The following NUP98 variants were observed in gnomAD, a reference collection of about 807,000 sequenced individuals.
The protein encoded by NUP98 is nucleoporin 98 and 96 precursor, also known as nuclear pore complex protein Nup98-Nup96.
NUP98 carries 26 observed loss-of-function variants against 191.9 expected under a neutral mutation model. The ratio of observed to expected loss-of-function variants is 0.14; its 90% CI spans 0.10 to 0.19. NUP98 has a LOEUF of 0.19. Ranked by LOEUF, NUP98 falls within the 10% of genes least tolerant of loss-of-function variation. The pLI is 1.00. For missense variants in NUP98, 1,941 were observed against 2,178.8 expected, an observed-to-expected ratio of 0.89 and a Z score of 2.17; for synonymous variants, 808 against 778.4, an observed-to-expected ratio of 1.04 and a Z score of -0.63.
intron 15 of NUP98, among the ~76,000 whole-genome samples, chr11:3,723,833 T>TTTTTTC (rs758131855): frequency 2.3e-5 from 3 of 130,598 alleles, no homozygotes; most frequent in Non-Finnish European, 4.7e-5. Flanking sequence ...GGGTTTCTTT[T>TTTTTTC]TTTTTTTTTC....
intron 11 of NUP98, among the ~76,000 whole-genome samples, chr11:3,752,452 G>T (rs2080797935): frequency 6.6e-6 from 1 of 151,950 alleles, no homozygotes; most frequent in Non-Finnish European, 1.5e-5. Context: ...GGGAGGCAGA[G>T]ATTGCAGTGA....
At chr11:3,713,350 C>G (rs573555884) in intron 19 of NUP98, among the ~76,000 whole-genome samples, 7 of 152,302 alleles carry the variant, frequency 4.6e-5, no homozygotes, top group South Asian at 2.1e-4. Context: ...CTCATTACTG[C>G]TGAATTTTAA....
At chr11:3,765,373 T>A (rs1269662676) in intron 8 of NUP98, among the ~76,000 whole-genome samples, 1 of 152,226 alleles carries the variant, frequency 6.6e-6, no homozygotes, top group Non-Finnish European at 1.5e-5. Context: ...GCTAAAAGGT[T>A]TTAATTTTGA....
chr11:3,771,985 AGGAG>A, intron 6 of NUP98, 57 bp from the exon 7 acceptor site: 4 of 1,460,672 alleles, frequency 2.7e-6, no homozygotes, highest in Non-Finnish European at 3.8e-6. Context: ...ATAATTATTT[AGGAG>A]GCTAAATACT....
intron 2 of NUP98, 84 bp downstream of exon 2, chr11:3,781,958 C>T (rs1564924985): frequency 5.2e-6 from 4 of 773,154 alleles, no homozygotes; most frequent in Non-Finnish European, 6.2e-6. Context: ...AAATAAAATT[C>T]CCACCTAAAG....
At chr11:3,736,655 A>G (rs1214879125) in intron 12 of NUP98, among the ~76,000 whole-genome samples, 1 of 152,252 alleles carries the variant, frequency 6.6e-6, no homozygotes, top group Non-Finnish European at 1.5e-5. Context: ...AGTTGTAAAC[A>G]TCATGACACA....
At chr11:3,774,668 G>C (rs2081649054) in intron 5 of NUP98, among the ~76,000 whole-genome samples, 1 of 151,690 alleles carries the variant, frequency 6.6e-6, no homozygotes, top group South Asian at 2.1e-4. Flanking sequence ...AGTGAGCCAA[G>C]ATTGCACCAC....
intron 4 of NUP98, 89 bp downstream of exon 4, chr11:3,778,784 A>T: frequency 7.5e-7 from 1 of 1,332,862 alleles, no homozygotes; most frequent in Non-Finnish European, 1.0e-6. Context: ...AAAAGAAGGT[A>T]GATGAACACA....
At chr11:3,749,116 G>C (rs1210390753) in intron 11 of NUP98, among the ~76,000 whole-genome samples, 1 of 149,712 alleles carries the variant, frequency 6.7e-6, no homozygotes, top group Non-Finnish European at 1.5e-5. Flanking sequence ...AGACCATCCT[G>C]GCTAACAAGG....
At chr11:3,766,272 G>T (rs1462888114) in intron 8 of NUP98, among the ~76,000 whole-genome samples, 4 of 152,068 alleles carry the variant, frequency 2.6e-5, no homozygotes, top group African/African-American at 9.7e-5. Context: ...CTACTTGGGA[G>T]GTGAGGTGAG....
Position 3,693,336 on chromosome 11 carries a change from A to C in NUP98, c.4207T>G (p.Ser1403Ala). 1 of 1,614,204 alleles carries C rather than the reference A, an allele frequency of 6.2e-7. No individual in the cohort carries two copies. Among genetic ancestry groups the C allele is most frequent in the Non-Finnish European group, 8.5e-7 (1 of 1,180,032 alleles). Residue 1403 changes from serine to alanine, a missense_variant, in exon 27 of 33, where the codon TCC becomes GCC. Ser to Ala is a moderately conservative substitution (Grantham distance 99). Coordinates refer to ENST00000324932, the MANE Select transcript of NUP98 (RefSeq NM_016320.5). ...LSEKKQINVC[S>A]QLDWKRSLAI... ...AGGGAGCGTTTCCAATCCAACTGGG[A>C]GCACACGTTTATTTGCTTCTTTTCT...
chr11:3,734,970 C>T (rs2079989355), intron 13 of NUP98, among the ~76,000 whole-genome samples: 1 of 152,014 alleles, frequency 6.6e-6, no homozygotes, highest in African/African-American at 2.4e-5. Flanking sequence ...TGTTGAAAAC[C>T]CTCAGCATTG....
At position 3,724,780 on chromosome 11, in the gene NUP98, C is replaced by CAAAAAAAAAAAAAA. The variant is rs71041382; in HGVS notation, c.1847+322_1847+323insTTTTTTTTTTTTTT. On this transcript the variant is annotated intron_variant, in intron 15 of 32. Coordinates refer to ENST00000324932, the MANE Select transcript of NUP98 (RefSeq NM_016320.5). ...TGGGCGACAGAGTGAGACTCTGTCT[C>CAAAAAAAAAAAAAA]AAAAAAAAAAAAGAAAGAAAATCAT... 3.5e-4 allele frequency among the ~76,000 whole-genome samples: 28 copies of CAAAAAAAAAAAAAA among 80,130 alleles called. 2 individuals carry two copies. The highest frequency in any genetic ancestry group is 7.9e-4 in the African/African-American group (14 of 17,690). The allele number at this position is 80,130 out of a possible 152,430, so 52.6% of individuals were successfully genotyped here.
Position 3,690,101 on chromosome 11 carries a change from A to T in NUP98, c.4454+1246T>A, listed in dbSNP as rs191903895. ...TAGGTAACTGAGATTACAGGTGCCT[A>T]CCACAACACCCAGCTAATTTTCGTA... On this transcript the variant is annotated intron_variant, in intron 28 of 32. Coordinates refer to ENST00000324932, the MANE Select transcript of NUP98 (RefSeq NM_016320.5). 2.6e-3 allele frequency among the ~76,000 whole-genome samples: 387 copies of T among 151,028 alleles called. 2 individuals are homozygous for T. The highest frequency in any genetic ancestry group is 8.9e-3 in the African/African-American group (364 of 41,126).
intron 10 of NUP98, among the ~76,000 whole-genome samples, chr11:3,756,440 A>T (rs1221649058): frequency 6.6e-6 from 1 of 152,120 alleles, no homozygotes; most frequent in Non-Finnish European, 1.5e-5. Context: ...AGATGACTGT[A>T]AATATATTCG....
intron 11 of NUP98, among the ~76,000 whole-genome samples, chr11:3,745,174 A>T (rs2080444703): frequency 6.6e-6 from 1 of 152,200 alleles, no homozygotes; most frequent in Non-Finnish European, 1.5e-5. Flanking sequence ...AAAATTAATT[A>T]TTCTTAAAAT....
chr11:3,677,741 CTCAATAT>C (rs1321302415), intron 31 of NUP98, among the ~76,000 whole-genome samples: 2 of 152,256 alleles, frequency 1.3e-5, no homozygotes, highest in Non-Finnish European at 2.9e-5. Flanking sequence ...GAATGAATTA[CTCAATAT>C]TCAATGAGAA....
Position 3,753,313 on chromosome 11 carries a change from T to C in NUP98, c.1267+3A>G, listed in dbSNP as rs139249995. 133 of 1,612,286 alleles carry C rather than the reference T, an allele frequency of 8.2e-5. No homozygotes were observed. The African/African-American group carries it at 1.6e-3, about 19-fold the overall frequency. ...CCTAGATCTCATGGTAGCAGTTTCT[T>C]ACCTGTTCCAAATCCTGCACCAAGC... On this transcript the variant is annotated splice_donor_region_variant and intron_variant, in intron 11 of 32. Coordinates refer to ENST00000324932, the MANE Select transcript of NUP98 (RefSeq NM_016320.5).
chr11:3,747,666 C>T (rs1300157298), intron 11 of NUP98, among the ~76,000 whole-genome samples: 1 of 152,146 alleles, frequency 6.6e-6, no homozygotes, highest in East Asian at 1.9e-4. Context: ...ATTTGTGTAA[C>T]AACTACTCAT....
Sources: allele counts gnomAD v4.1 joint callset (sites outside exome capture counted in the v4.1 genomes callset), GRCh38; gene constraint gnomAD v4.1.1; transcripts MANE v1.5; gene names NCBI Gene and HGNC (gene_info 2026-07-23, HGNC 2026-07-21).